Variants in ARRDC2 observed in about 807,000 individuals in gnomAD.
The protein encoded by ARRDC2 is arrestin domain containing 2.
ARRDC2 carries 39 observed loss-of-function variants against 38.9 expected under a neutral mutation model. The ratio of observed to expected loss-of-function variants is 1.00; its 90% CI spans 0.78 to 1.31. The LOEUF is 1.31. ARRDC2 is among the 50% of genes most tolerant of loss of function. The pLI, the probability that ARRDC2 is intolerant of heterozygous loss-of-function variation, is 0.00. For synonymous variants in ARRDC2, 300 were observed against 261.9 expected, an observed-to-expected ratio of 1.15 and a Z score of -1.41; for missense variants, 553 against 588.4, an observed-to-expected ratio of 0.94 and a Z score of 0.62.
At chr19:18,006,203 C>A (rs2033274635), upstream of ARRDC2, among the ~76,000 whole-genome samples, 2 of 151,764 alleles carry the variant, frequency 1.3e-5, no homozygotes, top group African/African-American at 4.9e-5. Context: ...GGCAGAGACG[C>A]TCCTCACTTC....
intron 1 of ARRDC2, among the ~76,000 whole-genome samples, chr19:18,002,415 G>A (rs1026803914): frequency 6.6e-6 from 1 of 152,198 alleles, no homozygotes; most frequent in African/African-American, 2.4e-5. Flanking sequence ...GGTCACCAGC[G>A]AGCCAGGGGT....
At chr19:18,002,801 C>A (rs1289877352) in intron 1 of ARRDC2, among the ~76,000 whole-genome samples, 3 of 152,142 alleles carry the variant, frequency 2.0e-5, no homozygotes, top group Admixed American at 6.5e-5. Context: ...ACGGCGACTT[C>A]CTTAAAACAC....
In ARRDC2 at chr19:18,010,666, T is replaced by C; in HGVS notation, c.1107T>C (p.Leu369=). Residue 369 remains leucine, a synonymous_variant, in exon 7 of 8, where the codon CTT becomes CTC. Transcript: ENST00000222250. ...FPLPQDPDMS[L]EGPFFAYIQE... ...TTCCGCAGGACCCCGACATGAGCCT[T>C]GAAGGCCCGTTCTTCGCCTACATCC... 3.1e-6 allele frequency: 5 copies of C among 1,613,850 alleles called. No individual in the cohort carries two copies. The highest frequency in any genetic ancestry group is 4.2e-6 in the Non-Finnish European group (5 of 1,180,004).
upstream of ARRDC2, chr19:18,008,024 G>A (rs1215382946): frequency 1.3e-6 from 1 of 789,592 alleles, no homozygotes; most frequent in Non-Finnish European, 1.8e-6. Flanking sequence ...GGTGAGCAGG[G>A]GCGTTTGTTA....
Position 18,008,185 on chromosome 19 carries a change from T to C in ARRDC2, c.-126T>C. Reference sequence around the variant, plus strand: ...ACGGCGCGGGGATTTTCTGCTCCGGTTGGTGAGCGCGCCTGCGCGTTGACG... The same window carrying C: ...ACGGCGCGGGGATTTTCTGCTCCGGCTGGTGAGCGCGCCTGCGCGTTGACG... On this transcript the variant is annotated 5_prime_UTR_variant, in exon 1 of 8. Transcript: ENST00000222250. 8.4e-7 allele frequency: 1 copy of C among 1,196,612 alleles called. No individual in the cohort carries two copies. Among genetic ancestry groups the C allele is most frequent in the Non-Finnish European group, 1.1e-6 (1 of 950,982 alleles). 74.1% of individuals were successfully genotyped at this position (1,196,612 alleles called of 1,614,324 possible). A position where few individuals can be genotyped will look rare whatever the true frequency, so the allele number is the denominator to read the frequency against.
chr19:18,006,590 GCATGAGAGGGAGAC>G (rs1429988089), upstream of ARRDC2, among the ~76,000 whole-genome samples: 2 of 152,184 alleles, frequency 1.3e-5, no homozygotes, highest in African/African-American at 4.8e-5. Context: ...CTTCTGCTCG[GCATGAGAGGGAGAC>G]CGTGGAAAGA....
upstream of ARRDC2, chr19:18,008,115 G>GTGGGGCC: frequency 7.4e-6 from 6 of 810,032 alleles, no homozygotes; most frequent in Non-Finnish European, 1.0e-5. Flanking sequence ...AAGAGACGGT[G>GTGGGGCC]ACCCCACCCC....
At chr19:18,001,245 G>A in exon 1 of ARRDC2, 3 of 1,138,320 alleles carry the variant, frequency 2.6e-6, no homozygotes, top group Non-Finnish European at 3.2e-6. Flanking sequence ...GAAACCCCGG[G>A]GATCTGCAGG....
intron 6 of ARRDC2, 52 bp from the exon 7 acceptor site, chr19:18,010,520 T>G (rs2033390503): frequency 1.3e-6 from 2 of 1,592,344 alleles, no homozygotes; most frequent in Non-Finnish European, 1.7e-6. Flanking sequence ...CCTGGTCCCT[T>G]GGAGCAGGGC....
intron 1 of ARRDC2, chr19:18,001,623 G>A (rs1242510858): frequency 1.6e-6 from 2 of 1,289,258 alleles, no homozygotes; most frequent in Non-Finnish European, 9.8e-7. Flanking sequence ...CCCCTCGGCC[G>A]CGACCCTCTT....
chr19:18,008,522 A>G lies in ARRDC2; in HGVS notation c.212A>G (p.Tyr71Cys), dbSNP rs1298773579. The G allele has an allele frequency of 1.9e-5, 29 of 1,543,762 alleles. No homozygotes were observed. Among genetic ancestry groups the G allele is most frequent in the Non-Finnish European group, 2.4e-5 (28 of 1,152,342 alleles). ...CGCAGCGCGGGCTCGAGCACGGCTT[A>G]CACGCAGAGCTACAGTGAACGCGTG... The part of the protein sequence containing the change: ...ESRSAGSSTA[Y>C]TQSYSERVEV... The change falls in exon 1 of 8, where the codon TAC (tyrosine) becomes TGC (cysteine). Residue 71 changes from tyrosine (Y) to cysteine (C), a missense_variant. Tyr to Cys is a radical substitution (Grantham distance 194). Around this residue, in one of 3 missense-constraint regions of ARRDC2, gnomAD observed 447 missense variants for 456.6 expected, o/e 0.98. Transcript: ENST00000222250.
intron 7 of ARRDC2, among the ~76,000 whole-genome samples, chr19:18,012,544 G>A (rs1375016327): frequency 6.6e-6 from 1 of 152,134 alleles, no homozygotes; most frequent in Non-Finnish European, 1.5e-5. Flanking sequence ...CCGAGATTGC[G>A]CCACTGCATT....
chr19:18,003,830 G>A (rs977932017), upstream of ARRDC2, among the ~76,000 whole-genome samples: 3 of 151,834 alleles, frequency 2.0e-5, no homozygotes, highest in African/African-American at 4.8e-5. Context: ...TAGTAGAGAC[G>A]GGGTTTCACC....
At position 18,009,603 on chromosome 19, in the gene ARRDC2, G is replaced by A. The variant is rs549541387; in HGVS notation, c.501G>A (p.Ala167=). The A allele has an allele frequency of 5.5e-5, 88 of 1,602,410 alleles. No homozygotes were observed. In the South Asian group the frequency reaches 6.3e-4, roughly 11 times the overall value. Residue 167 remains alanine, a synonymous_variant, in exon 4 of 8, where the codon GCG becomes GCA. Transcript: ENST00000222250. ...CTCTACACCGACAGGCACCTCAAGC[G>A]GGGGCTCGGGAAAAGGTTGCCCGAT... The part of the protein sequence containing the change: ...INTPALLAPQ[A]GAREKVARSW...
upstream of ARRDC2, among the ~76,000 whole-genome samples, chr19:18,003,301 CTG>C (rs779704093): frequency 6.6e-6 from 1 of 152,080 alleles, no homozygotes; most frequent in Non-Finnish European, 1.5e-5. Context: ...GGGTCTTACT[CTG>C]TTACTCAGGC....
chr19:18,009,346 A>G lies in ARRDC2; in HGVS notation c.489+228A>G. On this transcript the variant is annotated intron_variant, in intron 3 of 7. Coordinates refer to ENST00000222250, the MANE Select transcript of ARRDC2 (RefSeq NM_015683.2). ...TGAGCCTCAGATGCCTCTTCTGTGAAATAGACCAGAGCTAGGGCTTACCAA... is the reference window on the plus strand; with the variant it reads ...TGAGCCTCAGATGCCTCTTCTGTGAGATAGACCAGAGCTAGGGCTTACCAA... The G allele has an allele frequency of 6.2e-6, 4 of 643,238 alleles. No individual in the cohort carries two copies. The South Asian group carries it at 7.7e-5, about 12-fold the overall frequency. The allele number at this position is 643,238 out of a possible 1,614,324, so 39.8% of individuals were successfully genotyped here.
At chr19:18,008,137 C>T, upstream of ARRDC2, 2 of 1,179,414 alleles carry the variant, frequency 1.7e-6, no homozygotes, top group Non-Finnish European at 1.1e-6. Context: ...CCCCGCCCTG[C>T]CGTATAAAAG....
chr19:18,008,660 C>T (rs778122786), intron 1 of ARRDC2, 51 bp from the exon 2 acceptor site: 3 of 1,607,806 alleles, frequency 1.9e-6, no homozygotes, highest in Admixed American at 3.3e-5. Flanking sequence ...TCCGTCAGCC[C>T]TGGGACCCCA....
intron 2 of ARRDC2, 30 bp from the exon 3 acceptor site, chr19:18,008,941 G>A: frequency 6.2e-7 from 1 of 1,611,466 alleles, no homozygotes; most frequent in Non-Finnish European, 8.5e-7. Flanking sequence ...TCTGTATCTT[G>A]TCCCCTGAAG....
Sources: allele counts gnomAD v4.1 joint callset (sites outside exome capture counted in the v4.1 genomes callset), GRCh38; gene constraint gnomAD v4.1.1; regional missense constraint gnomAD v4.1.1; transcripts MANE v1.5; gene names NCBI Gene and HGNC (gene_info 2026-07-23, HGNC 2026-07-21).